Variants in PTPRG observed in about 807,000 individuals in gnomAD.
PTPRG encodes the protein protein tyrosine phosphatase receptor type G.
A neutral mutation model predicts 165.3 loss-of-function variants in PTPRG; 102 were observed. The ratio of observed to expected loss-of-function variants is 0.62; its 90% confidence interval spans 0.53 to 0.73. The LOEUF (loss-of-function observed/expected upper bound fraction) is 0.73, where lower values mean the gene tolerates loss of function less well. PTPRG is among the 30% of genes least tolerant of loss of function. The pLI is 0.00. For missense variants in PTPRG, 1,866 were observed against 1,861.4 expected, an observed-to-expected ratio of 1.00 and a Z score of -0.05; for synonymous variants, 675 against 669.5, an observed-to-expected ratio of 1.01 and a Z score of -0.13.
At chr3:61,968,073 T>G (rs1225451900) in intron 2 of PTPRG, among the ~76,000 whole-genome samples, 3 of 152,190 alleles carry the variant, frequency 2.0e-5, no homozygotes, top group Non-Finnish European at 4.4e-5. Flanking sequence ...TTCCTTACAG[T>G]GACATGTTAC....
At chr3:62,201,582 TCG>T in intron 11 of PTPRG, 28 bp downstream of exon 11, 1 of 1,604,360 alleles carries the variant, frequency 6.2e-7, no homozygotes, top group Non-Finnish European at 8.5e-7. Flanking sequence ...AATTGCTTTG[TCG>T]TGGCTGGTTG....
Position 61,915,911 on chromosome 3 carries a change from G to A in PTPRG, c.191-73714G>A, listed in dbSNP as rs74929062. ...CTTGAGTTGCATTTTATAACTCCTG[G>A]CTGAACAGCACAAATAATTGCAGCC... is the stretch of plus-strand genomic sequence containing the variant. On this transcript the variant is annotated intron_variant, in intron 2 of 29. Coordinates refer to ENST00000474889, the MANE Select transcript of PTPRG (RefSeq NM_002841.4). Among the ~76,000 whole-genome samples, 216 of 152,292 alleles carry A rather than the reference G, an allele frequency of 1.4e-3. 4 individuals are homozygous for A. In the East Asian group the frequency reaches 0.038, roughly 27 times the overall value.
intron 2 of PTPRG, among the ~76,000 whole-genome samples, chr3:61,938,315 A>G (rs1311762000): frequency 6.8e-6 from 1 of 146,266 alleles, no homozygotes; most frequent in African/African-American, 2.6e-5. Flanking sequence ...AGTTGTTTGT[A>G]TGACCATAAA....
intron 2 of PTPRG, among the ~76,000 whole-genome samples, chr3:61,932,739 T>A (rs1421309250): frequency 6.6e-6 from 1 of 151,886 alleles, no homozygotes; most frequent in Non-Finnish European, 1.5e-5. Context: ...TCAAAACTTG[T>A]AACCACCACC....
At chr3:61,725,610 A>C (rs2032225562) in intron 1 of PTPRG, among the ~76,000 whole-genome samples, 1 of 151,550 alleles carries the variant, frequency 6.6e-6, no homozygotes, top group South Asian at 2.1e-4. Context: ...ATAACTTTAG[A>C]TATAGAACAA....
chr3:61,938,362 C>T (rs2039530756), intron 2 of PTPRG, among the ~76,000 whole-genome samples: 1 of 151,538 alleles, frequency 6.6e-6, no homozygotes, highest in African/African-American at 2.4e-5. Flanking sequence ...TTTGCACCAT[C>T]TTATCCTGCA....
Position 62,203,749 on chromosome 3 carries a change from C to T in PTPRG, c.1954C>T (p.Pro652Ser). 3.1e-6 allele frequency: 5 copies of T among 1,605,774 alleles called. No homozygotes were observed. The highest frequency in any genetic ancestry group is 4.3e-6 in the Non-Finnish European group (5 of 1,175,740). ...PGHEQDHTAV[P>S]TDQTGGRRDA... The stretch of plus-strand genomic sequence containing the variant: ...GCATGAGCAGGATCACACTGCCGTC[C>T]CCACAGACCAGACGGGCGGAAGGAG... The change falls in exon 12 of 30, where the codon CCC (proline) becomes TCC (serine). Residue 652 changes from proline to serine, a missense_variant. Pro to Ser is a moderately conservative substitution (Grantham distance 74). Transcript: ENST00000474889. The surrounding 1 kb of genome is among the most constrained non-coding windows in gnomAD (Gnocchi z 6.4).
At chr3:61,726,544 T>C (rs1311831046) in intron 1 of PTPRG, among the ~76,000 whole-genome samples, 1 of 152,166 alleles carries the variant, frequency 6.6e-6, no homozygotes, top group East Asian at 1.9e-4. Context: ...CTAGGACATA[T>C]AAGATAACCA....
chr3:62,295,946 A>G lies in PTPRG; in HGVS notation c.*2639A>G, dbSNP rs1360390445. The stretch of plus-strand genomic sequence containing the variant: ...TTAAGTACATAACAAGGTTATTAAC[A>G]CTTGCACTCAGGGGAAAGGAAATAG... On this transcript the variant is annotated 3_prime_UTR_variant, in exon 30 of 30. Transcript: ENST00000474889. 1 of 152,136 alleles carries G rather than the reference A, an allele frequency of 6.6e-6. No homozygotes were observed. The highest frequency in any genetic ancestry group is 1.5e-5 in the Non-Finnish European group (1 of 67,994). The allele number at this position is 152,136 out of a possible 1,614,324, so 9.4% of individuals were successfully genotyped here.
At chr3:62,285,944 T>C (rs1323206737) in intron 28 of PTPRG, among the ~76,000 whole-genome samples, 2 of 152,190 alleles carry the variant, frequency 1.3e-5, no homozygotes, top group East Asian at 3.8e-4. Context: ...TCTGCCTTAT[T>C]CATACCCATT....
chr3:61,566,581 C>T (rs1699920166), intron 1 of PTPRG, among the ~76,000 whole-genome samples: 2 of 152,214 alleles, frequency 1.3e-5, no homozygotes, highest in East Asian at 1.9e-4. Context: ...GATCCTAGCT[C>T]ATTGCAACCT....
At chr3:61,796,533 G>A (rs112014157) in intron 2 of PTPRG, among the ~76,000 whole-genome samples, 1 of 152,164 alleles carries the variant, frequency 6.6e-6, no homozygotes, top group African/African-American at 2.4e-5. Context: ...TCTGCATGAC[G>A]CTCTGTGGTG....
chr3:61,964,626 A>T (rs754103493), intron 2 of PTPRG, among the ~76,000 whole-genome samples: 1 of 152,206 alleles, frequency 6.6e-6, no homozygotes, highest in African/African-American at 2.4e-5. Flanking sequence ...TATAAAGCCA[A>T]TAATTCTCCA....
chr3:61,949,915 T>C (rs1358683453), intron 2 of PTPRG, among the ~76,000 whole-genome samples: 1 of 152,014 alleles, frequency 6.6e-6, no homozygotes, highest in African/African-American at 2.4e-5. Context: ...GCCCGGCTAA[T>C]TTTTGTATTT....
At chr3:61,858,172 T>C (rs1469332413) in intron 2 of PTPRG, among the ~76,000 whole-genome samples, 1 of 152,210 alleles carries the variant, frequency 6.6e-6, no homozygotes, top group African/African-American at 2.4e-5. Context: ...TTATTATCTT[T>C]TGTAAGGCAG....
chr3:62,179,915 A>G (rs1705581702), intron 8 of PTPRG, among the ~76,000 whole-genome samples: 1 of 152,202 alleles, frequency 6.6e-6, no homozygotes, highest in Non-Finnish European at 1.5e-5. Context: ...CACTCCACCC[A>G]CACTCAGCCA....
intron 6 of PTPRG, among the ~76,000 whole-genome samples, chr3:62,147,738 G>T (rs1295394440): frequency 6.6e-6 from 1 of 152,274 alleles, no homozygotes; most frequent in African/African-American, 2.4e-5. Flanking sequence ...ACTGTGTTCT[G>T]GGGAAGTGTT....
chr3:61,747,146 A>G (rs765305637), intron 1 of PTPRG, among the ~76,000 whole-genome samples: 6 of 152,116 alleles, frequency 3.9e-5, no homozygotes, highest in African/African-American at 1.4e-4. Flanking sequence ...AACCAAAAGC[A>G]GTGTATGCCC....
At chr3:61,616,340 T>C (rs901208251) in intron 1 of PTPRG, among the ~76,000 whole-genome samples, 2 of 152,216 alleles carry the variant, frequency 1.3e-5, no homozygotes, top group Non-Finnish European at 2.9e-5. Flanking sequence ...ATGGGTTAAG[T>C]ATGTATGTCC....
Sources: gnomAD v4.1 joint callset for allele counts (sites outside exome capture counted in the v4.1 genomes callset) on GRCh38, gnomAD v4.1.1 for gene constraint, Gnocchi (gnomAD v3.1) non-coding constraint, MANE v1.5 for transcripts, NCBI Gene and HGNC (gene_info 2026-07-23, HGNC 2026-07-21) for gene names.